The following NCAM1 variants were observed in gnomAD, a reference collection of about 807,000 sequenced individuals.
NCAM1 encodes the protein antigen recognized by monoclonal antibody 5.1H11.
In NCAM1, 14 loss-of-function variants were observed where a neutral mutation model predicts 109.8. The observed-to-expected ratio is 0.13, with a 90% CI of 0.08 to 0.20. The LOEUF (loss-of-function observed/expected upper bound fraction) is 0.20, where lower values mean the gene tolerates loss of function less well. NCAM1 is among the 10% of genes least tolerant of loss of function. The pLI, the probability that NCAM1 is intolerant of heterozygous loss-of-function variation, is 1.00. For synonymous variants in NCAM1, 418 were observed against 442.9 expected, an observed-to-expected ratio of 0.94 and a Z score of 0.70; for missense variants, 774 against 1,109.9, an observed-to-expected ratio of 0.70 and a Z score of 4.30.
intron 1 of NCAM1, among the ~76,000 whole-genome samples, chr11:112,985,611 T>C (rs1027729585): frequency 1.9e-4 from 28 of 148,116 alleles, no homozygotes; most frequent in African/African-American, 6.7e-4. Flanking sequence ...GTTTTCTGTA[T>C]ACAGATTTTT....
intron 1 of NCAM1, among the ~76,000 whole-genome samples, chr11:113,070,934 G>C (rs2511764): frequency 0.99 from 150,381 of 152,288 alleles, 74,253 homozygotes; most frequent in Middle Eastern, 1. Context: ...TATCGCTAAC[G>C]CAGTCTGCAT....
At chr11:113,148,562 A>C (rs782191184) in intron 1 of NCAM1, among the ~76,000 whole-genome samples, 9 of 152,088 alleles carry the variant, frequency 5.9e-5, no homozygotes, top group Non-Finnish European at 1.2e-4. Flanking sequence ...AAGGTGAGGA[A>C]GTGGGCATTC....
intron 17 of NCAM1, among the ~76,000 whole-genome samples, chr11:113,262,338 C>A (rs1946031580): frequency 6.6e-6 from 1 of 152,238 alleles, no homozygotes; most frequent in Admixed American, 6.5e-5. Flanking sequence ...TGCATCTCCA[C>A]CACTATGGGT....
chr11:113,065,639 G>A (rs927068992), intron 1 of NCAM1, among the ~76,000 whole-genome samples: 1 of 152,200 alleles, frequency 6.6e-6, no homozygotes, highest in Non-Finnish European at 1.5e-5. Context: ...AGGAAGTTCT[G>A]TAATATGCCT....
At chr11:113,040,159 A>AAAAT (rs35828046) in intron 1 of NCAM1, among the ~76,000 whole-genome samples, 67,725 of 151,186 alleles carry the variant, frequency 0.45, 16,040 homozygotes, top group East Asian at 0.8. Context: ...TAATAATTTT[A>AAAAT]AAATAAATAA....
At chr11:113,216,094 C>T (rs1944519994) in intron 8 of NCAM1, among the ~76,000 whole-genome samples, 1 of 151,736 alleles carries the variant, frequency 6.6e-6, no homozygotes, top group African/African-American at 2.4e-5. Context: ...AAGATTTGTG[C>T]CTACTGAGGT....
At chr11:113,140,978 C>T (rs190188923) in intron 1 of NCAM1, among the ~76,000 whole-genome samples, 1 of 152,210 alleles carries the variant, frequency 6.6e-6, no homozygotes, top group Non-Finnish European at 1.5e-5. Context: ...AGTGCTCGTA[C>T]TAGGAATAGT....
intron 17 of NCAM1, among the ~76,000 whole-genome samples, chr11:113,261,962 T>C (rs1021174354): frequency 1.9e-4 from 29 of 152,148 alleles, no homozygotes; most frequent in Non-Finnish European, 4.4e-5. Flanking sequence ...AGAATCCTTC[T>C]TGTGAATCGC....
intron 1 of NCAM1, among the ~76,000 whole-genome samples, chr11:113,162,480 G>A (rs1942633621): frequency 6.6e-6 from 1 of 152,118 alleles, no homozygotes; most frequent in South Asian, 2.1e-4. Flanking sequence ...TGCAGTGCTT[G>A]CTTCTGGCCT....
chr11:113,086,434 T>C (rs1267032114), intron 1 of NCAM1, among the ~76,000 whole-genome samples: 6 of 152,230 alleles, frequency 3.9e-5, no homozygotes, highest in Non-Finnish European at 8.8e-5. Flanking sequence ...AATACACTTT[T>C]CATTGATCGG....
intron 1 of NCAM1, among the ~76,000 whole-genome samples, chr11:113,099,258 A>G (rs1555091060): frequency 6.6e-6 from 1 of 152,200 alleles, no homozygotes; most frequent in Non-Finnish European, 1.5e-5. Flanking sequence ...ATCCATCAAG[A>G]TGGGATAGAT....
chr11:113,273,482 C>T lies in NCAM1; in HGVS notation c.2456+1606C>T, dbSNP rs1009567796. 5.9e-6 allele frequency: 2 copies of T among 338,672 alleles called. No individual in the cohort carries two copies. The highest frequency in any genetic ancestry group is 2.2e-5 in the South Asian group (1 of 45,674). 21.0% of individuals were successfully genotyped at this position (338,672 alleles called of 1,614,324 possible). ...GCCCGGACCCGGAGCCCACCCAGCC[C>T]GGAGCCGCGAAGAGCCCGGCCGAGG... On this transcript the variant is annotated intron_variant, in intron 19 of 19. Transcript: ENST00000316851. The surrounding 1 kb of genome is among the most constrained non-coding windows in gnomAD (Gnocchi z 6.0).
chr11:112,997,811 T>C (rs66728109), intron 1 of NCAM1, among the ~76,000 whole-genome samples: 20,601 of 152,212 alleles, frequency 0.14, 1,440 homozygotes, highest in African/African-American at 0.15. Context: ...TCCAAAGCAG[T>C]ATATTCTGGT....
At chr11:113,005,428 A>G (rs1322885892) in intron 1 of NCAM1, among the ~76,000 whole-genome samples, 1 of 152,152 alleles carries the variant, frequency 6.6e-6, no homozygotes, top group Non-Finnish European at 1.5e-5. Flanking sequence ...TTCCTCCTGG[A>G]AAAGATCTTC....
intron 1 of NCAM1, among the ~76,000 whole-genome samples, chr11:113,170,650 T>C (rs1555106045): frequency 6.6e-6 from 1 of 152,180 alleles, no homozygotes; most frequent in East Asian, 1.9e-4. Flanking sequence ...TTGTTTTTTC[T>C]TTTCATCTCG....
Position 113,166,070 on chromosome 11 carries a change from A to T in NCAM1, c.53-36309A>T, listed in dbSNP as rs1555105220. ...GTGGTCCCGATCTCCTGACCTCGTG[A>T]TCTGCCTGCCTCGGCCTCCCAAAGT... On this transcript the variant is annotated intron_variant, in intron 1 of 19. Transcript: ENST00000316851. Among the ~76,000 whole-genome samples the T allele has an allele frequency of 3.3e-5, 5 of 151,940 alleles. No individual in the cohort carries two copies. The South Asian group carries it at 1.0e-3, about 32-fold the overall frequency.
intron 1 of NCAM1, among the ~76,000 whole-genome samples, chr11:113,032,024 C>G (rs1443760765): frequency 1.3e-5 from 2 of 152,104 alleles, no homozygotes; most frequent in Admixed American, 1.3e-4. Context: ...CTCCCTGCAG[C>G]CTGACCACCT....
At chr11:113,208,430 C>T (rs1412794912) in intron 7 of NCAM1, among the ~76,000 whole-genome samples, 1 of 152,090 alleles carries the variant, frequency 6.6e-6, no homozygotes, top group Non-Finnish European at 1.5e-5. Context: ...AGTTCTCCAA[C>T]CACACAGGCC....
chr11:113,044,855 G>T (rs1953209534), intron 1 of NCAM1, among the ~76,000 whole-genome samples: 1 of 151,954 alleles, frequency 6.6e-6, no homozygotes, highest in Non-Finnish European at 1.5e-5. Flanking sequence ...GCAGGTTCAC[G>T]CCATTCTCCT....
Sources: allele counts gnomAD v4.1 joint callset (sites outside exome capture counted in the v4.1 genomes callset), GRCh38; gene constraint gnomAD v4.1.1; non-coding constraint Gnocchi (gnomAD v3.1); transcripts MANE v1.5; gene names NCBI Gene and HGNC (gene_info 2026-07-23, HGNC 2026-07-21).